GPC5: variants seen among roughly 807,000 people sequenced by gnomAD.
GPC5 encodes the protein glypican 5.
GPC5 carries 47 observed loss-of-function variants against 53.9 expected under a neutral mutation model. That is an observed-to-expected ratio of 0.87 (90% confidence interval 0.69 to 1.11). The LOEUF is 1.11. Ranked by LOEUF, GPC5 falls within the 50% of genes most tolerant of loss-of-function variation. GPC5 has a pLI of 0.00. For synonymous variants in GPC5, 286 were observed against 263.3 expected (o/e 1.09, Z -0.84); for missense variants, 748 against 713.1 (o/e 1.05, Z -0.56).
At chr13:91,963,968 G>A (rs1325177204) in intron 6 of GPC5, among the ~76,000 whole-genome samples, 4 of 152,088 alleles carry the variant, frequency 2.6e-5, no homozygotes, top group Non-Finnish European at 5.9e-5. Context: ...GATTCCTCAG[G>A]GATCTAAAAT....
At chr13:92,517,723 A>G (rs1380653057) in intron 7 of GPC5, among the ~76,000 whole-genome samples, 1 of 152,160 alleles carries the variant, frequency 6.6e-6, no homozygotes, top group Non-Finnish European at 1.5e-5. Flanking sequence ...AACCACAAAG[A>G]TGGGGAAAAA....
chr13:91,871,563 A>G (rs1467601766), intron 5 of GPC5, among the ~76,000 whole-genome samples: 1 of 152,238 alleles, frequency 6.6e-6, no homozygotes, highest in Non-Finnish European at 1.5e-5. Context: ...TTAAAATTAA[A>G]AAATACAGTA....
Position 92,613,394 on chromosome 13 carries a change from A to T in GPC5, c.1562-252888A>T, listed in dbSNP as rs9516099. Among the ~76,000 whole-genome samples the T allele has an allele frequency of 1.1e-3, 74 of 64,718 alleles. 1 individual carries two copies. Among genetic ancestry groups the T allele is most frequent in the South Asian group, 5.9e-3 (6 of 1,012 alleles). The allele number at this position is 64,718 out of a possible 152,430, so 42.5% of individuals were successfully genotyped here. ...ATATAAATATATTATATTATATATA[A>T]ATATATATTATATTATATATAAATA... On this transcript the variant is annotated intron_variant, in intron 7 of 7. Transcript: ENST00000377067.
At chr13:92,564,164 G>A (rs1040870388) in intron 7 of GPC5, among the ~76,000 whole-genome samples, 2 of 151,920 alleles carry the variant, frequency 1.3e-5, no homozygotes, top group African/African-American at 4.8e-5. Flanking sequence ...CCTATGAGTA[G>A]ACACATGCCT....
intron 7 of GPC5, among the ~76,000 whole-genome samples, chr13:92,595,016 G>A (rs992522431): frequency 6.6e-6 from 1 of 152,134 alleles, no homozygotes; most frequent in Non-Finnish European, 1.5e-5. Flanking sequence ...ATGCTTCTAG[G>A]TGTTTAATGA....
chr13:92,334,784 C>T (rs2043311106), intron 7 of GPC5, among the ~76,000 whole-genome samples: 1 of 152,160 alleles, frequency 6.6e-6, no homozygotes, highest in African/African-American at 2.4e-5. Context: ...ATAGGGCAGT[C>T]ATTAAACCTT....
At position 92,613,329 on chromosome 13, in the gene GPC5, T is replaced by TATA. The variant is rs1360730886; in HGVS notation, c.1562-252952_1562-252951insTAA. ...ATAATGTATATAATAAATATTTATATAATATAATATATTTATATATAAATA... is the reference window on the plus strand; with the variant it reads ...ATAATGTATATAATAAATATTTATATATAAATATAATATATTTATATATAAATA... On this transcript the variant is annotated intron_variant, in intron 7 of 7. Transcript: ENST00000377067. 2.1e-3 allele frequency among the ~76,000 whole-genome samples: 201 copies of TATA among 97,994 alleles called. 2 individuals carry two copies. The highest frequency in any genetic ancestry group is 9.0e-3 in the African/African-American group (198 of 22,072). The allele number at this position is 97,994 out of a possible 152,430, so 64.3% of individuals were successfully genotyped here.
At chr13:92,440,859 A>G (rs911441226) in intron 7 of GPC5, among the ~76,000 whole-genome samples, 1 of 151,792 alleles carries the variant, frequency 6.6e-6, no homozygotes, top group Non-Finnish European at 1.5e-5. Context: ...ATTTTTTCTT[A>G]TGTTTGTTGG....
At chr13:92,474,898 G>T (rs1167239789) in intron 7 of GPC5, among the ~76,000 whole-genome samples, 1 of 152,060 alleles carries the variant, frequency 6.6e-6, no homozygotes, top group Non-Finnish European at 1.5e-5. Flanking sequence ...GCTGAGCTTA[G>T]AAGACTAATA....
intron 7 of GPC5, among the ~76,000 whole-genome samples, chr13:92,836,190 T>C (rs1287007449): frequency 1.3e-5 from 2 of 152,104 alleles, no homozygotes; most frequent in African/African-American, 4.8e-5. Flanking sequence ...ATATCTTTTT[T>C]ATAGCTTATT....
chr13:92,832,484 C>A (rs1056991579), intron 7 of GPC5, among the ~76,000 whole-genome samples: 4 of 152,104 alleles, frequency 2.6e-5, no homozygotes, highest in Admixed American at 6.6e-5. Context: ...AAACTTCTTA[C>A]TAATCTTTTT....
chr13:92,048,723 T>C (rs1174770584), intron 6 of GPC5, among the ~76,000 whole-genome samples: 1 of 152,240 alleles, frequency 6.6e-6, no homozygotes, highest in African/African-American at 2.4e-5. Context: ...CCTGAACAAA[T>C]GTTCAGAAAT....
intron 7 of GPC5, among the ~76,000 whole-genome samples, chr13:92,483,185 A>G (rs1340031903): frequency 2.6e-5 from 4 of 152,188 alleles, no homozygotes; most frequent in African/African-American, 9.7e-5. Flanking sequence ...TTGGGTGAGG[A>G]CACAGCCAAA....
At position 92,110,506 on chromosome 13, in the gene GPC5, A is replaced by G. The variant is rs998732714; in HGVS notation, c.1402-34324A>G. 7.9e-5 allele frequency among the ~76,000 whole-genome samples: 12 copies of G among 152,102 alleles called. No individual in the cohort carries two copies. The East Asian group carries it at 1.5e-3, about 20-fold the overall frequency. ...GCTATTTCCTTTCCACTAGAAATGCATAAGTAAAACTTTCTCTAAAGGAAA... is the reference window on the plus strand; with the variant it reads ...GCTATTTCCTTTCCACTAGAAATGCGTAAGTAAAACTTTCTCTAAAGGAAA... On this transcript the variant is annotated intron_variant, in intron 6 of 7. Coordinates refer to ENST00000377067, the MANE Select transcript of GPC5 (RefSeq NM_004466.6).
At position 92,682,981 on chromosome 13, in the gene GPC5, A is replaced by G. The variant is rs1055328445; in HGVS notation, c.1562-183301A>G. Among the ~76,000 whole-genome samples, 30 of 152,170 alleles carry G rather than the reference A, an allele frequency of 2.0e-4. 1 individual carries two copies. Among genetic ancestry groups the G allele is most frequent in the African/African-American group, 6.3e-4 (26 of 41,450 alleles). On this transcript the variant is annotated intron_variant, in intron 7 of 7. Transcript: ENST00000377067. ...AATACACACGGCCAAGAATGAGGAA[A>G]GTAGGACAAAACCCAGTGTAGTCAA...
intron 5 of GPC5, among the ~76,000 whole-genome samples, chr13:91,891,581 A>C (rs1484294661): frequency 1.3e-5 from 2 of 152,158 alleles, no homozygotes; most frequent in Non-Finnish European, 2.9e-5. Flanking sequence ...GAGAAAAAAC[A>C]AATATTTCCA....
chr13:91,447,580 T>G (rs1370637241), intron 1 of GPC5, among the ~76,000 whole-genome samples: 1 of 152,160 alleles, frequency 6.6e-6, no homozygotes, highest in East Asian at 1.9e-4. Context: ...TTTCATATAT[T>G]TTCAGCTGAC....
chr13:91,597,324 C>T (rs535395025), intron 2 of GPC5, among the ~76,000 whole-genome samples: 29 of 152,196 alleles, frequency 1.9e-4, no homozygotes, highest in African/African-American at 7.0e-4. Flanking sequence ...AATTAATTCC[C>T]TCATTTGTGG....
chr13:92,858,746 C>T (rs1879088190), intron 7 of GPC5, among the ~76,000 whole-genome samples: 1 of 151,982 alleles, frequency 6.6e-6, no homozygotes, highest in African/African-American at 2.4e-5. Flanking sequence ...GAAGTCCAAG[C>T]CTCAATATCA....
Sources: gnomAD v4.1 joint callset for allele counts (sites outside exome capture counted in the v4.1 genomes callset) on GRCh38, gnomAD v4.1.1 for gene constraint, MANE v1.5 for transcripts, NCBI Gene and HGNC (gene_info 2026-07-23, HGNC 2026-07-21) for gene names.